The following TMEM223 variants were observed in gnomAD, a reference collection of about 807,000 sequenced individuals.
TMEM223 encodes the protein transmembrane protein 223.
TMEM223 carries 14 observed loss-of-function variants against 14.1 expected under a neutral mutation model. That is an observed-to-expected ratio of 0.99 (90% CI 0.66 to 1.55). TMEM223 has a LOEUF of 1.55. Among genes scored for constraint, TMEM223 ranks in the 40% most tolerant of loss-of-function variants. The pLI, the probability that TMEM223 is intolerant of heterozygous loss-of-function variation, is 0.00. For synonymous variants in TMEM223, 145 were observed against 120.5 expected, an observed-to-expected ratio of 1.20 and a Z score of -1.33; for missense variants, 346 against 269.9, an observed-to-expected ratio of 1.28 and a Z score of -1.97.
chr11:62,785,842 G>C (rs1463548535), downstream of TMEM223, among the ~76,000 whole-genome samples: 1 of 152,226 alleles, frequency 6.6e-6, no homozygotes, highest in Non-Finnish European at 1.5e-5. Context: ...TCCAATCACA[G>C]GATTTTAAAT....
downstream of TMEM223, among the ~76,000 whole-genome samples, chr11:62,785,657 C>T (rs1189986987): frequency 6.6e-6 from 1 of 151,960 alleles, no homozygotes; most frequent in Non-Finnish European, 1.5e-5. Flanking sequence ...GCCTCAGCCT[C>T]CCAAGTAGTT....
chr11:62,786,165 G>A, downstream of TMEM223: 1 of 1,477,516 alleles, frequency 6.8e-7, no homozygotes, highest in Non-Finnish European at 9.2e-7. Flanking sequence ...CCCTGTCTAG[G>A]ATCAGAGATA....
downstream of TMEM223, chr11:62,787,480 G>T: frequency 6.3e-7 from 1 of 1,578,288 alleles, no homozygotes; most frequent in Non-Finnish European, 8.5e-7. Context: ...CTTTGCTGCC[G>T]CCTTCCTGTG....
intron 1 of TMEM223, chr11:62,778,647 C>A: frequency 1.6e-6 from 1 of 612,164 alleles, no homozygotes; most frequent in Non-Finnish European, 2.9e-6. Context: ...AGGAGTCCGT[C>A]TGGCAGAGGG....
intron 1 of TMEM223, chr11:62,776,028 C>T: frequency 1.4e-6 from 2 of 1,404,704 alleles, no homozygotes; most frequent in South Asian, 1.4e-5. Flanking sequence ...ACACTGGGTG[C>T]CTGCTCCATA....
At chr11:62,786,716 A>C (rs1590939906), downstream of TMEM223, 1 of 1,611,718 alleles carries the variant, frequency 6.2e-7, no homozygotes, top group African/African-American at 1.3e-5. Context: ...GGGCCGGAGG[A>C]CCCTTCTCTT....
chr11:62,778,411 C>A, intron 1 of TMEM223: 1 of 1,543,308 alleles, frequency 6.5e-7, no homozygotes, highest in Non-Finnish European at 8.9e-7. Context: ...CCTATGTGCC[C>A]CCGAGTCTGC....
intron 1 of TMEM223, chr11:62,778,973 T>C (rs1276174548): frequency 2.0e-5 from 32 of 1,608,390 alleles, no homozygotes; most frequent in Non-Finnish European, 2.7e-5. Flanking sequence ...GGTGAGCGAG[T>C]GGGCCCAAGT....
At position 62,790,517 on chromosome 11, in the gene TMEM223, C is replaced by T; in HGVS notation, c.*106G>A. The T allele has an allele frequency of 1.8e-6, 2 of 1,113,938 alleles. No individual in the cohort carries two copies. The highest frequency in any genetic ancestry group is 2.6e-5 in the East Asian group (1 of 38,428). 69.0% of individuals were successfully genotyped at this position (1,113,938 alleles called of 1,614,324 possible). A position where few individuals can be genotyped will look rare whatever the true frequency, so the allele number is the denominator to read the frequency against. On this transcript the variant is annotated 3_prime_UTR_variant, in exon 2 of 2. Coordinates refer to ENST00000307366, the MANE Select transcript of TMEM223 (RefSeq NM_001080501.3). ...GCTCGAGCAGTGCTCCTGCCTCACC[C>T]TCCCAAAGTGCTGGGATTACAACAG...
downstream of TMEM223, chr11:62,782,538 T>C: frequency 8.4e-7 from 1 of 1,189,906 alleles, no homozygotes; most frequent in Non-Finnish European, 1.2e-6. Context: ...TCTTCAGCCC[T>C]CAGGTCCTAG....
At chr11:62,773,604 C>T (rs518668) in intron 2 of TMEM223, among the ~76,000 whole-genome samples, 12,367 of 152,084 alleles carry the variant, frequency 0.081, 1,013 homozygotes, top group African/African-American at 0.21. Context: ...TGTGCCACCA[C>T]ACCTGGCTAA....
chr11:62,787,406 C>T, downstream of TMEM223: 1 of 1,555,832 alleles, frequency 6.4e-7, no homozygotes, highest in Non-Finnish European at 8.6e-7. Context: ...GCTGCTGCAG[C>T]GGCGCTTCCT....
chr11:62,790,127 G>T lies in TMEM223; in HGVS notation c.*496C>A. 1.5e-6 allele frequency: 2 copies of T among 1,358,750 alleles called. No homozygotes were observed. Among genetic ancestry groups the T allele is most frequent in the Non-Finnish European group, 2.0e-6 (2 of 1,020,934 alleles). 84.2% of individuals were successfully genotyped at this position (1,358,750 alleles called of 1,614,324 possible). A position where few individuals can be genotyped will look rare whatever the true frequency, so the allele number is the denominator to read the frequency against. On this transcript the variant is annotated 3_prime_UTR_variant, in exon 2 of 2. Transcript: ENST00000307366. The stretch of plus-strand genomic sequence containing the variant: ...TCCCCCCCCTCAAGGCCCTGTTTAT[G>T]TTGGGAGTCTTAGTTTTCCTTTCGT...
Position 62,790,119 on chromosome 11 carries a change from C to A in TMEM223, c.*504G>T. The A allele has an allele frequency of 8.3e-7, 1 of 1,208,792 alleles. No individual in the cohort carries two copies. Among genetic ancestry groups the A allele is most frequent in the South Asian group, 1.7e-5 (1 of 58,776 alleles). The allele number at this position is 1,208,792 out of a possible 1,614,324, so 74.9% of individuals were successfully genotyped here. A position where few individuals can be genotyped will look rare whatever the true frequency, so the allele number is the denominator to read the frequency against. On this transcript the variant is annotated 3_prime_UTR_variant, in exon 2 of 2. Transcript: ENST00000307366. ...GCCTGTAATCCCCCCCCTCAAGGCC[C>A]TGTTTATGTTGGGAGTCTTAGTTTT...
intron 1 of TMEM223, among the ~76,000 whole-genome samples, chr11:62,779,971 T>C (rs1374809210): frequency 1.4e-5 from 1 of 70,940 alleles, no homozygotes; most frequent in Non-Finnish European, 3.5e-5. Context: ...TATATATATA[T>C]ATATATTTTT....
intron 1 of TMEM223, chr11:62,782,034 C>A: frequency 6.3e-7 from 1 of 1,597,654 alleles, no homozygotes; most frequent in African/African-American, 1.3e-5. Flanking sequence ...AGGTGTAGGG[C>A]TCATGGCAAG....
exon 3 of TMEM223, chr11:62,771,764 A>C (rs2084149494): frequency 9.1e-6 from 2 of 219,376 alleles, no homozygotes; most frequent in Admixed American, 1.1e-4. Flanking sequence ...TGCGGAGGAG[A>C]GGAGGCTGAG....
downstream of TMEM223, chr11:62,789,365 A>G: frequency 6.2e-6 from 10 of 1,613,776 alleles, no homozygotes; most frequent in Non-Finnish European, 8.5e-6. Context: ...GTCTGCCTGT[A>G]TCCTTCGATT....
rs1386598508 is a variant in TMEM223, at chr11:62,774,327, C to T, written c.385+268G>A. 4.6e-5 allele frequency among the ~76,000 whole-genome samples: 7 copies of T among 152,046 alleles called. No individual in the cohort carries two copies. In the East Asian group the frequency reaches 5.8e-4, roughly 13 times the overall value. The stretch of plus-strand genomic sequence containing the variant: ...TCCTGACCTTGTGATCCGCCTGCCT[C>T]GGCCTCCCAAAGTGCTGGGATTACA... On this transcript the variant is annotated intron_variant, in intron 2 of 2. Coordinates refer to the TMEM223 transcript ENST00000528367.
Sources: allele counts gnomAD v4.1 joint callset (sites outside exome capture counted in the v4.1 genomes callset), GRCh38; gene constraint gnomAD v4.1.1; transcripts MANE v1.5; gene names NCBI Gene and HGNC (gene_info 2026-07-23, HGNC 2026-07-21).